The following ENOX1 variants were observed in gnomAD, a reference collection of about 807,000 sequenced individuals.
The protein encoded by ENOX1 is candidate growth-related and time keeping constitutive hydroquinone (NADH) oxidase.
In ENOX1, 42 loss-of-function variants were observed where a neutral mutation model predicts 82.5. The ratio of observed to expected loss-of-function variants is 0.51; its 90% CI spans 0.40 to 0.66. ENOX1 has a LOEUF of 0.66. ENOX1 is among the 30% of genes least tolerant of loss of function. The pLI, the probability that ENOX1 is intolerant of heterozygous loss-of-function variation, is 0.00. For missense variants in ENOX1, 608 were observed against 811.6 expected (o/e 0.75, Z 3.05); for synonymous variants, 271 against 282.2 (o/e 0.96, Z 0.40).
intron 9 of ENOX1, among the ~76,000 whole-genome samples, chr13:43,344,040 A>G (rs933646771): frequency 2.0e-5 from 3 of 151,880 alleles, no homozygotes; most frequent in African/African-American, 4.8e-5. Context: ...AAAAATCTCT[A>G]CTCTTGAGTT....
chr13:43,553,488 C>CT (rs1391146950), intron 2 of ENOX1, among the ~76,000 whole-genome samples: 1 of 152,162 alleles, frequency 6.6e-6, no homozygotes, highest in Non-Finnish European at 1.5e-5. Context: ...AACTGGCTCA[C>CT]TTAAATATAT....
At position 43,752,184 on chromosome 13, in the gene ENOX1, C is replaced by T. The variant is rs1287789864; in HGVS notation, c.-285+34468G>A. 2.0e-5 allele frequency among the ~76,000 whole-genome samples: 3 copies of T among 152,066 alleles called. No individual in the cohort carries two copies. The East Asian group carries it at 5.8e-4, about 29-fold the overall frequency. On this transcript the variant is annotated intron_variant, in intron 1 of 16. Coordinates refer to ENST00000690772, the MANE Select transcript of ENOX1 (RefSeq NM_001347969.2). ...CTTATTTACCACCCATATTTCTTAT[C>T]CGGCAGAATATCTGTTCAATTCATT...
At position 43,750,926 on chromosome 13, in the gene ENOX1, T is replaced by C. The variant is rs554313490; in HGVS notation, c.-285+35726A>G. The stretch of plus-strand genomic sequence containing the variant: ...TTCATTCTAGTGAGAATAATCTTCC[T>C]GGAACACAAACGTGGCCTGTTACTC... On this transcript the variant is annotated intron_variant, in intron 1 of 16. Coordinates refer to ENST00000690772, the MANE Select transcript of ENOX1 (RefSeq NM_001347969.2). Among the ~76,000 whole-genome samples the C allele has an allele frequency of 9.2e-5, 14 of 152,328 alleles. No homozygotes were observed. In the East Asian group the frequency reaches 2.5e-3, roughly 27 times the overall value.
At chr13:43,281,573 T>C (rs2045386697) in intron 12 of ENOX1, among the ~76,000 whole-genome samples, 1 of 151,264 alleles carries the variant, frequency 6.6e-6, no homozygotes, top group Non-Finnish European at 1.5e-5. Flanking sequence ...CCTCTAGCTT[T>C]AGCAGTCCCC....
chr13:43,216,233 A>G (rs544581777), intron 16 of ENOX1, among the ~76,000 whole-genome samples: 120 of 152,212 alleles, frequency 7.9e-4, no homozygotes, highest in Non-Finnish European at 1.4e-3. Context: ...ACAAGCTTGG[A>G]TTTTACTCTG....
At chr13:43,753,191 A>C (rs1387349314) in intron 1 of ENOX1, among the ~76,000 whole-genome samples, 1 of 152,146 alleles carries the variant, frequency 6.6e-6, no homozygotes, top group Non-Finnish European at 1.5e-5. Flanking sequence ...TTTAAGATTC[A>C]TCTTTTCAAT....
intron 14 of ENOX1, among the ~76,000 whole-genome samples, chr13:43,262,382 A>C (rs1373940461): frequency 6.6e-6 from 1 of 152,200 alleles, no homozygotes; most frequent in Non-Finnish European, 1.5e-5. Flanking sequence ...ATAAATGATA[A>C]TGCATGAAAT....
chr13:43,592,177 T>A (rs1259570773), intron 2 of ENOX1, among the ~76,000 whole-genome samples: 1 of 152,236 alleles, frequency 6.6e-6, no homozygotes, highest in Non-Finnish European at 1.5e-5. Context: ...ATATAAAATG[T>A]GAAAGGAGTC....
Position 43,757,794 on chromosome 13 carries a change from CTT to C in ENOX1, c.-285+28856_-285+28857del, listed in dbSNP as rs569497152. On this transcript the variant is annotated intron_variant, in intron 1 of 16. Coordinates refer to ENST00000690772, the MANE Select transcript of ENOX1 (RefSeq NM_001347969.2). The stretch of plus-strand genomic sequence containing the variant: ...ACACGCAATTACCTACTAGTACACT[CTT>C]GGTCATTTATCCCAAAAATGTATGA... Among the ~76,000 whole-genome samples the C allele has an allele frequency of 3.3e-5, 5 of 152,262 alleles. No homozygotes were observed. The South Asian group carries it at 1.0e-3, about 32-fold the overall frequency.
At chr13:43,279,952 G>A (rs1361357792) in intron 12 of ENOX1, among the ~76,000 whole-genome samples, 4 of 152,232 alleles carry the variant, frequency 2.6e-5, no homozygotes, top group Admixed American at 2.6e-4. Context: ...CCTTGCTGAA[G>A]TAGGAACATG....
chr13:43,235,983 C>T (rs918614320), intron 15 of ENOX1, among the ~76,000 whole-genome samples: 1 of 152,162 alleles, frequency 6.6e-6, no homozygotes, highest in African/African-American at 2.4e-5. Flanking sequence ...CAGCCTTAAA[C>T]ATACAGGCAT....
chr13:43,385,884 G>A (rs1457713021), intron 5 of ENOX1, among the ~76,000 whole-genome samples: 3 of 151,984 alleles, frequency 2.0e-5, no homozygotes, highest in African/African-American at 4.8e-5. Flanking sequence ...CTTTCCTTGG[G>A]GCCGGGCACC....
intron 3 of ENOX1, among the ~76,000 whole-genome samples, chr13:43,440,115 A>G (rs2056280542): frequency 6.6e-6 from 1 of 152,262 alleles, no homozygotes; most frequent in East Asian, 1.9e-4. Flanking sequence ...AATTAGGCAC[A>G]GAGGTGTAGC....
At position 43,502,342 on chromosome 13, in the gene ENOX1, A is replaced by G. The variant is rs1445866866; in HGVS notation, c.-218-18190T>C. Among the ~76,000 whole-genome samples the G allele has an allele frequency of 4.0e-5, 6 of 151,722 alleles. No individual in the cohort carries two copies. The East Asian group carries it at 1.2e-3, about 29-fold the overall frequency. ...TTAAACTCTCAAAAACTAGAAGAGG[A>G]AACACTTTCAAACTCATTTTATGAG... On this transcript the variant is annotated intron_variant, in intron 2 of 16. Transcript: ENST00000690772.
At chr13:43,301,691 C>T (rs879602921) in intron 11 of ENOX1, among the ~76,000 whole-genome samples, 1 of 151,448 alleles carries the variant, frequency 6.6e-6, no homozygotes, top group Non-Finnish European at 1.5e-5. Context: ...TTGGTTTTTA[C>T]AAAAAAATTT....
intron 12 of ENOX1, among the ~76,000 whole-genome samples, chr13:43,270,618 A>T (rs2044628992): frequency 6.6e-6 from 1 of 152,208 alleles, no homozygotes; most frequent in South Asian, 2.1e-4. Context: ...GAAGGATTAA[A>T]TTAAATCTCC....
chr13:43,544,880 C>A (rs961393769), intron 2 of ENOX1: 1 of 152,092 alleles, frequency 6.6e-6, no homozygotes, highest in Non-Finnish European at 1.5e-5. Flanking sequence ...TTTTGCTTAT[C>A]TTTAAAAGGA....
intron 3 of ENOX1, among the ~76,000 whole-genome samples, chr13:43,434,928 G>A (rs1267480684): frequency 7.9e-6 from 1 of 126,424 alleles, no homozygotes; most frequent in African/African-American, 3.1e-5. Context: ...TTATTATTGT[G>A]TGTGTGTGGT....
chr13:43,781,790 C>T (rs1461660580), intron 1 of ENOX1, among the ~76,000 whole-genome samples: 1 of 152,160 alleles, frequency 6.6e-6, no homozygotes, highest in Non-Finnish European at 1.5e-5. Context: ...GGATTACAGG[C>T]GTGAGCCACC....
Sources: allele counts gnomAD v4.1 joint callset (sites outside exome capture counted in the v4.1 genomes callset), GRCh38; gene constraint gnomAD v4.1.1; transcripts MANE v1.5; gene names NCBI Gene and HGNC (gene_info 2026-07-23, HGNC 2026-07-21).